The following PARD3 variants were observed in gnomAD, a reference collection of about 807,000 sequenced individuals.
PARD3 encodes the protein par-3 family cell polarity regulator.
PARD3 carries 75 observed loss-of-function variants against 155.4 expected under a neutral mutation model. That is an observed-to-expected ratio of 0.48 (90% CI 0.40 to 0.58). The LOEUF (loss-of-function observed/expected upper bound fraction) is 0.58, where lower values mean the gene tolerates loss of function less well. PARD3 is among the 20% of genes least tolerant of loss of function. The pLI, the probability that PARD3 is intolerant of heterozygous loss-of-function variation, is 0.00. For missense variants in PARD3, 1,642 were observed against 1,721.7 expected (o/e 0.95, Z 0.82); for synonymous variants, 576 against 610.5 (o/e 0.94, Z 0.83).
Position 34,776,833 on chromosome 10 carries a change from T to TTTGGGGGG in PARD3, c.120+38042_120+38043insCCCCCCAA, listed in dbSNP as rs1564608800. Among the ~76,000 whole-genome samples the TTTGGGGGG allele has an allele frequency of 3.0e-4, 3 of 9,908 alleles. 1 individual carries two copies. The highest frequency in any genetic ancestry group is 8.6e-4 in the African/African-American group (3 of 3,478). 6.5% of individuals were successfully genotyped at this position (9,908 alleles called of 152,430 possible). A position where few individuals can be genotyped will look rare whatever the true frequency, so the allele number is the denominator to read the frequency against. ...CCAAGTATTTTCAGTCGTGTTTTTT[T>TTTGGGGGG]GTGGGGGGGGGGGGCGGGTGGGGGA... On this transcript the variant is annotated intron_variant, in intron 1 of 24. Coordinates refer to ENST00000374788, the MANE Select transcript of PARD3 (RefSeq NM_001184785.2).
intron 2 of PARD3, among the ~76,000 whole-genome samples, chr10:34,561,344 T>C (rs148881398): frequency 1.8e-4 from 28 of 152,290 alleles, no homozygotes; most frequent in African/African-American, 6.0e-4. Flanking sequence ...TACCAACTGC[T>C]TTGAATTTTT....
At chr10:34,606,658 AAAAAGTCT>A (rs1347949643) in intron 2 of PARD3, among the ~76,000 whole-genome samples, 2 of 146,984 alleles carry the variant, frequency 1.4e-5, no homozygotes. Context: ...AAAAAAAAAA[AAAAAGTCT>A]GTCTATCAAT....
At chr10:34,672,871 G>A (rs2093634205) in intron 2 of PARD3, among the ~76,000 whole-genome samples, 1 of 152,174 alleles carries the variant, frequency 6.6e-6, no homozygotes, top group South Asian at 2.1e-4. Flanking sequence ...AATTCTATCT[G>A]GAGTAAGGGA....
intron 3 of PARD3, among the ~76,000 whole-genome samples, chr10:34,513,635 CAT>C (rs10530966): frequency 0.25 from 37,943 of 152,038 alleles, 4,975 homozygotes; most frequent in East Asian, 0.41. Flanking sequence ...CTAGTAATCA[CAT>C]GTTTGTCTTC....
chr10:34,132,665 G>A (rs1244364532), intron 22 of PARD3, among the ~76,000 whole-genome samples: 1 of 152,172 alleles, frequency 6.6e-6, no homozygotes, highest in Admixed American at 6.5e-5. Context: ...TATCAGTGAC[G>A]TGGACGGGAG....
At chr10:34,358,564 G>A (rs577655354) in intron 14 of PARD3, among the ~76,000 whole-genome samples, 13 of 152,218 alleles carry the variant, frequency 8.5e-5, no homozygotes, top group Non-Finnish European at 1.3e-4. Flanking sequence ...GCTATGGCGC[G>A]TGCCTGTAAT....
intron 24 of PARD3, among the ~76,000 whole-genome samples, chr10:34,118,591 C>A (rs1946813388): frequency 6.6e-6 from 1 of 152,152 alleles, no homozygotes; most frequent in Non-Finnish European, 1.5e-5. Flanking sequence ...AATGATCTGC[C>A]TGCCTCAGCC....
At chr10:34,479,610 C>T (rs1222266656) in intron 3 of PARD3, among the ~76,000 whole-genome samples, 1 of 152,196 alleles carries the variant, frequency 6.6e-6, no homozygotes, top group African/African-American at 2.4e-5. Flanking sequence ...TGTTTAGCCC[C>T]TACAGCCACT....
chr10:34,567,111 G>A (rs2086013013), intron 2 of PARD3, among the ~76,000 whole-genome samples: 1 of 152,154 alleles, frequency 6.6e-6, no homozygotes, highest in Admixed American at 6.5e-5. Flanking sequence ...TGTTAGTATA[G>A]TGCACCACTC....
chr10:34,325,331 C>A (rs1958625878), intron 19 of PARD3, among the ~76,000 whole-genome samples: 1 of 152,194 alleles, frequency 6.6e-6, no homozygotes, highest in East Asian at 1.9e-4. Context: ...CTCTCACCTG[C>A]CCCATACACA....
intron 12 of PARD3, among the ~76,000 whole-genome samples, chr10:34,367,892 A>G (rs1236241709): frequency 6.6e-6 from 1 of 152,164 alleles, no homozygotes; most frequent in African/African-American, 2.4e-5. Flanking sequence ...AAGAATCCCC[A>G]ATGTATCCCT....
At chr10:34,128,444 T>G (rs1403018618) in intron 23 of PARD3, among the ~76,000 whole-genome samples, 1 of 152,198 alleles carries the variant, frequency 6.6e-6, no homozygotes, top group Admixed American at 6.5e-5. Flanking sequence ...GAATACAGCA[T>G]ATAATACATA....
chr10:34,232,389 A>T (rs746532314), intron 22 of PARD3, among the ~76,000 whole-genome samples: 2 of 152,096 alleles, frequency 1.3e-5, no homozygotes, highest in African/African-American at 4.8e-5. Flanking sequence ...GCACACACCT[A>T]AACAGTTTAG....
At chr10:34,409,255 CA>C (rs1490310650) in intron 5 of PARD3, among the ~76,000 whole-genome samples, 1 of 151,980 alleles carries the variant, frequency 6.6e-6, no homozygotes, top group African/African-American at 2.4e-5. Flanking sequence ...CAGAGAACAA[CA>C]AAAAGTATGT....
chr10:34,115,791 C>A (rs1242151343), intron 24 of PARD3, among the ~76,000 whole-genome samples: 1 of 151,470 alleles, frequency 6.6e-6, no homozygotes, highest in Admixed American at 6.6e-5. Context: ...CGGCTCACTG[C>A]AAGCTCCGCC....
intron 14 of PARD3, among the ~76,000 whole-genome samples, chr10:34,348,886 T>C (rs1012769137): frequency 6.6e-6 from 1 of 152,194 alleles, no homozygotes; most frequent in African/African-American, 2.4e-5. Context: ...TAAATTAAAA[T>C]GTATCGGGCA....
In PARD3 at chr10:34,337,379, C is replaced by A. The variant is rs1262628077; in HGVS notation, c.2456G>T (p.Gly819Val). The A allele has an allele frequency of 6.2e-7, 1 of 1,602,402 alleles. No individual in the cohort carries two copies. The highest frequency in any genetic ancestry group is 8.5e-7 in the Non-Finnish European group (1 of 1,174,590). The part of the protein sequence containing the change: ...VDPVLAFQRE[G>V]FGRQSMSEKR... ...TTCTGACATACTCTGACGTCCAAAT[C>A]CTTCTCGTTGAAAAGCAAGAACTGG... The change falls in exon 17 of 25, where the codon GGA becomes GTA. Residue 819 changes from glycine to valine, a missense_variant. Physicochemically the swap from Gly to Val is moderately radical, Grantham distance 109. This residue lies in a region of PARD3 where 1,529 missense variants were observed against 1,587.3 expected (regional missense o/e 0.96). Coordinates refer to ENST00000374788, the MANE Select transcript of PARD3 (RefSeq NM_001184785.2).
At chr10:34,141,928 T>C (rs1948208351) in intron 22 of PARD3, among the ~76,000 whole-genome samples, 1 of 152,252 alleles carries the variant, frequency 6.6e-6, no homozygotes, top group Non-Finnish European at 1.5e-5. Flanking sequence ...GGGCATCTAC[T>C]GAAAACTCAG....
chr10:34,653,168 CA>C (rs1564464260), intron 2 of PARD3, among the ~76,000 whole-genome samples: 1 of 152,056 alleles, frequency 6.6e-6, no homozygotes, highest in African/African-American at 2.4e-5. Context: ...TGGGCTGTTA[CA>C]AGGACTGTAT....
Sources: gnomAD v4.1 joint callset for allele counts (sites outside exome capture counted in the v4.1 genomes callset) on GRCh38, gnomAD v4.1.1 for gene constraint, gnomAD v4.1.1 regional missense constraint, MANE v1.5 for transcripts, NCBI Gene and HGNC (gene_info 2026-07-23, HGNC 2026-07-21) for gene names.